The following XPO6 variants were observed in gnomAD, a reference collection of about 807,000 sequenced individuals.
XPO6 encodes exportin-6.
A neutral mutation model predicts 130.0 loss-of-function variants in XPO6; 3 were observed. That is an observed-to-expected ratio of 0.02 (90% confidence interval 0.01 to 0.06). The LOEUF (loss-of-function observed/expected upper bound fraction) is 0.06, where lower values mean the gene tolerates loss of function less well. Ranked by LOEUF, XPO6 falls within the 10% of genes least tolerant of loss-of-function variation. XPO6 has a pLI of 1.00. For missense variants in XPO6, 970 were observed against 1,393.0 expected (o/e 0.70, Z 4.83); for synonymous variants, 524 against 548.9 (o/e 0.95, Z 0.63).
intron 21 of XPO6, among the ~76,000 whole-genome samples, chr16:28,103,825 G>A (rs2086709190): frequency 6.6e-6 from 1 of 152,214 alleles, no homozygotes; most frequent in South Asian, 2.1e-4. Flanking sequence ...CTGTGTGCAT[G>A]CTGTGTGCTA....
chr16:28,147,373 G>A (rs139903955), intron 8 of XPO6, among the ~76,000 whole-genome samples: 2,388 of 151,770 alleles, frequency 0.016, 35 homozygotes, highest in African/African-American at 0.047. Context: ...GACCAGCCTG[G>A]GCAACATAGT....
At chr16:28,174,671 C>G (rs1054162227) in intron 4 of XPO6, among the ~76,000 whole-genome samples, 1 of 152,170 alleles carries the variant, frequency 6.6e-6, no homozygotes, top group Non-Finnish European at 1.5e-5. Context: ...GAGAGAAGCA[C>G]TTTGGATGCT....
Position 28,111,849 on chromosome 16 carries a change from A to G in XPO6, c.2309T>C (p.Val770Ala). ...RDYRNLKPSA[V>A]APQRKMPLDD... ...CAGTGGCATCTTTCTCTGTGGGGCA[A>G]CAGCACTGGGCTTCAGGTTGCGATA... Residue 770 changes from valine (V) to alanine (A), a missense_variant, in exon 17 of 24, where the codon GTT becomes GCT. By Grantham distance (64) the Val-to-Ala change is moderately conservative (BLOSUM62 0). Coordinates refer to ENST00000304658, the MANE Select transcript of XPO6 (RefSeq NM_015171.4). The G allele has an allele frequency of 1.2e-6, 2 of 1,614,154 alleles. No homozygotes were observed. The highest frequency in any genetic ancestry group is 1.7e-6 in the Non-Finnish European group (2 of 1,180,016).
At chr16:28,143,067 A>G (rs1567618382) in intron 9 of XPO6, among the ~76,000 whole-genome samples, 1 of 152,242 alleles carries the variant, frequency 6.6e-6, no homozygotes, top group Non-Finnish European at 1.5e-5. Flanking sequence ...ATGTTTAAAA[A>G]AGAATAAATC....
intron 2 of XPO6, 21 bp from the exon 3 acceptor site, chr16:28,177,353 C>T (rs778559168): frequency 6.9e-7 from 1 of 1,455,596 alleles, no homozygotes; most frequent in Admixed American, 1.8e-5. Context: ...TAAATGGCAA[C>T]AAAAGAAAGC....
Position 28,152,798 on chromosome 16 carries a change from A to T in XPO6, c.1098-13T>A. On this transcript the variant is annotated splice_polypyrimidine_tract_variant and intron_variant, in intron 7 of 23. Coordinates refer to ENST00000304658, the MANE Select transcript of XPO6 (RefSeq NM_015171.4). ...CTTCTCGATATAGCTAAATGAGACA[A>T]GACAAAAGGTGACAATAAGAAACCC... 6.2e-7 allele frequency: 1 copy of T among 1,604,338 alleles called. No individual in the cohort carries two copies. The highest frequency in any genetic ancestry group is 1.3e-5 in the African/African-American group (1 of 74,412).
intron 1 of XPO6, among the ~76,000 whole-genome samples, chr16:28,181,357 GGC>G (rs1204600132): frequency 6.6e-6 from 1 of 152,100 alleles, no homozygotes; most frequent in East Asian, 1.9e-4. Context: ...TTCCTGAATG[GGC>G]AGAGCAGAGA....
intron 1 of XPO6, among the ~76,000 whole-genome samples, chr16:28,210,576 G>A (rs1008225655): frequency 6.6e-6 from 1 of 152,252 alleles, no homozygotes; most frequent in Non-Finnish European, 1.5e-5. Flanking sequence ...ACAAAGAGAT[G>A]TGGGTACACA....
intron 9 of XPO6, among the ~76,000 whole-genome samples, chr16:28,143,012 G>A (rs1296117299): frequency 6.6e-6 from 1 of 152,164 alleles, no homozygotes; most frequent in Non-Finnish European, 1.5e-5. Flanking sequence ...CACTTGGCCT[G>A]TTGTTTTATT....
intron 1 of XPO6, among the ~76,000 whole-genome samples, chr16:28,205,626 G>A (rs1438928604): frequency 2.0e-5 from 3 of 152,146 alleles, no homozygotes; most frequent in African/African-American, 7.2e-5. Context: ...AGAGGGCAGG[G>A]GCAGTATTAA....
rs774599146 is a variant in XPO6, at chr16:28,156,165, T to C, written c.1006A>G (p.Met336Val). Residue 336 changes from methionine (M) to valine (V), a missense_variant, in exon 7 of 24, where the codon ATG (methionine) becomes GTG (valine). Transcript: ENST00000304658. ...AGGAGGTAGAAAGTCTGCTGGAACA[T>C]ACGCAGTAAATACTCCTCAAATTCC... The part of the protein sequence containing the change: ...PMEFEEYLLR[M>V]FQQTFYLLQK... The C allele has an allele frequency of 1.2e-5, 20 of 1,614,152 alleles. No individual in the cohort carries two copies. In the Admixed American group the frequency reaches 3.3e-4, roughly 27 times the overall value.
At chr16:28,204,940 T>C (rs1383183481) in intron 1 of XPO6, among the ~76,000 whole-genome samples, 3 of 152,158 alleles carry the variant, frequency 2.0e-5, no homozygotes, top group African/African-American at 7.2e-5. Context: ...CTCACATCTA[T>C]AATCCCAGCA....
Position 28,106,202 on chromosome 16 carries a change from G to T in XPO6, c.2625C>A (p.Ala875=). 2 of 1,614,044 alleles carry T rather than the reference G, an allele frequency of 1.2e-6. No individual in the cohort carries two copies. Among genetic ancestry groups the T allele is most frequent in the Non-Finnish European group, 1.7e-6 (2 of 1,180,024 alleles). The stretch of plus-strand genomic sequence containing the variant: ...TGCTGCCCTCGTGGAGGATGCTCTC[G>T]GCTAACTGCTCTCTACAGAGGAGAA... The part of the protein sequence containing the change: ...FLNMFTREQL[A]ESILHEGSTG... The change falls in exon 20 of 24, where the codon GCC becomes GCA. Residue 875 remains alanine (A), a synonymous_variant. Transcript: ENST00000304658. The surrounding 1 kb of genome is among the most constrained non-coding windows in gnomAD (Gnocchi z 4.2).
At position 28,126,944 on chromosome 16, in the gene XPO6, G is replaced by A. The variant is rs186110936; in HGVS notation, c.1607-1096C>T. ...AGTTCTCTCCTGTCTCTTAGGAGGC[G>A]AGACTCACACTGGTCATCACCAACC... On this transcript the variant is annotated intron_variant, in intron 12 of 23. Coordinates refer to ENST00000304658, the MANE Select transcript of XPO6 (RefSeq NM_015171.4). 2.1e-3 allele frequency among the ~76,000 whole-genome samples: 312 copies of A among 152,130 alleles called. 1 individual carries two copies. The highest frequency in any genetic ancestry group is 2.6e-3 in the Non-Finnish European group (175 of 67,986).
At chr16:28,167,648 C>T (rs2043378417) in intron 5 of XPO6, among the ~76,000 whole-genome samples, 1 of 152,238 alleles carries the variant, frequency 6.6e-6, no homozygotes, top group South Asian at 2.1e-4. Flanking sequence ...TGTCTCCCCA[C>T]TCAAGTGTAA....
chr16:28,122,150 TTAACAGA>T (rs2087259077), intron 13 of XPO6, among the ~76,000 whole-genome samples: 1 of 152,136 alleles, frequency 6.6e-6, no homozygotes, highest in Non-Finnish European at 1.5e-5. Flanking sequence ...TGTTCATCTA[TTAACAGA>T]AGACAGGCGG....
rs200130503 is a variant in XPO6, at chr16:28,146,064, T to C, written c.1334+30A>G. On this transcript the variant is annotated intron_variant, in intron 9 of 23. Coordinates refer to ENST00000304658, the MANE Select transcript of XPO6 (RefSeq NM_015171.4). ...ACTAGAATAACTGGCAAAATGACCATATCTAGTTTTCAGTGTTTGAGGAGT... is the reference window on the plus strand; with the variant it reads ...ACTAGAATAACTGGCAAAATGACCACATCTAGTTTTCAGTGTTTGAGGAGT... The C allele has an allele frequency of 2.2e-5, 34 of 1,536,038 alleles. No homozygotes were observed. In the African/African-American group the frequency reaches 3.1e-4, roughly 14 times the overall value.
At chr16:28,181,572 GTGCAA>G (rs903137539) in intron 1 of XPO6, among the ~76,000 whole-genome samples, 5 of 151,408 alleles carry the variant, frequency 3.3e-5, no homozygotes, top group African/African-American at 9.7e-5. Context: ...GAGTATAGTG[GTGCAA>G]TCATAGCTCA....
At chr16:28,137,007 T>C (rs1213911548) in intron 9 of XPO6, among the ~76,000 whole-genome samples, 1 of 152,280 alleles carries the variant, frequency 6.6e-6, no homozygotes, top group Non-Finnish European at 1.5e-5. Context: ...ACAAAAGGAC[T>C]GCATCCTTCC....
Sources: gnomAD v4.1 joint callset for allele counts (sites outside exome capture counted in the v4.1 genomes callset) on GRCh38, gnomAD v4.1.1 for gene constraint, Gnocchi (gnomAD v3.1) non-coding constraint, MANE v1.5 for transcripts, NCBI Gene and HGNC (gene_info 2026-07-23, HGNC 2026-07-21) for gene names.